SCFD2: variants seen among roughly 807,000 people sequenced by gnomAD.
SCFD2 encodes sec1 family domain containing 2, also known as sec1 family domain-containing protein 2.
SCFD2 carries 54 observed loss-of-function variants against 58.9 expected under a neutral mutation model. That is an observed-to-expected ratio of 0.92 (90% CI 0.74 to 1.15). The LOEUF (loss-of-function observed/expected upper bound fraction) is 1.15. SCFD2 is among the 50% of genes most tolerant of loss of function. The pLI is 0.00. For missense variants in SCFD2, 805 were observed against 836.6 expected, an observed-to-expected ratio of 0.96 and a Z score of 0.47; for synonymous variants, 321 against 335.9, an observed-to-expected ratio of 0.96 and a Z score of 0.49.
In SCFD2 at chr4:53,056,530, CT is replaced by C. The variant is rs370755986; in HGVS notation, c.1561+88802del. Among the ~76,000 whole-genome samples, 655 of 150,746 alleles carry C rather than the reference CT, an allele frequency of 4.3e-3. 3 individuals are homozygous for C. The highest frequency in any genetic ancestry group is 0.014 in the African/African-American group (581 of 41,170). On this transcript the variant is annotated intron_variant, in intron 5 of 8. Transcript: ENST00000401642. ...ACAACAAATTCATTTATATATCTAA[CT>C]TTTTTTTTTCCAAGTATTGTTCAAT...
chr4:53,199,576 G>A (rs1728163320), intron 4 of SCFD2, among the ~76,000 whole-genome samples: 2 of 152,090 alleles, frequency 1.3e-5, no homozygotes, highest in South Asian at 2.1e-4. Flanking sequence ...GATAGCCTCA[G>A]GATGGGGCTG....
intron 3 of SCFD2, among the ~76,000 whole-genome samples, chr4:53,295,667 T>C (rs1476842213): frequency 2.6e-5 from 4 of 152,180 alleles, no homozygotes; most frequent in Admixed American, 2.6e-4. Flanking sequence ...GAACTTCCAA[T>C]ACTACGTTGA....
intron 2 of SCFD2, among the ~76,000 whole-genome samples, chr4:53,319,469 A>G (rs1459332765): frequency 6.6e-6 from 1 of 152,176 alleles, no homozygotes; most frequent in Non-Finnish European, 1.5e-5. Flanking sequence ...ATTATTTCCA[A>G]TCTAGCTCTA....
chr4:53,246,347 T>C (rs561547890), intron 4 of SCFD2, among the ~76,000 whole-genome samples: 1 of 152,286 alleles, frequency 6.6e-6, no homozygotes, highest in East Asian at 1.9e-4. Context: ...AACACTATTT[T>C]AAAATTCATA....
chr4:53,081,346 T>C (rs1345317905), intron 5 of SCFD2, among the ~76,000 whole-genome samples: 1 of 152,120 alleles, frequency 6.6e-6, no homozygotes, highest in African/African-American at 2.4e-5. Context: ...GGAGTACGGA[T>C]CCCATCACCC....
chr4:53,239,521 G>C (rs1182507501), intron 4 of SCFD2, among the ~76,000 whole-genome samples: 6 of 152,162 alleles, frequency 3.9e-5, no homozygotes, highest in Admixed American at 3.9e-4. Flanking sequence ...TTTCGCTCTT[G>C]TTGCCCAAGC....
intron 5 of SCFD2, among the ~76,000 whole-genome samples, chr4:53,136,996 A>G (rs915652818): frequency 2.0e-5 from 3 of 152,228 alleles, no homozygotes; most frequent in African/African-American, 7.2e-5. Context: ...ACTCCAACTC[A>G]CAGTATCTTG....
intron 4 of SCFD2, among the ~76,000 whole-genome samples, chr4:53,162,290 A>C (rs1027983585): frequency 2.6e-5 from 4 of 152,148 alleles, no homozygotes. Flanking sequence ...TGAGAAGATG[A>C]GAGTCTAAAT....
chr4:53,258,577 T>TATATATATATATATATAA, intron 4 of SCFD2, among the ~76,000 whole-genome samples: 1 of 121,406 alleles, frequency 8.2e-6, no homozygotes, highest in Non-Finnish European at 1.7e-5. Context: ...TATATATATA[T>TATATATATATATATATAA]ACACACACAT....
chr4:53,228,854 T>C (rs184782503), intron 4 of SCFD2, among the ~76,000 whole-genome samples: 77 of 152,340 alleles, frequency 5.1e-4, no homozygotes, highest in African/African-American at 1.8e-3. Context: ...GATGACATGA[T>C]TGTATATCTA....
chr4:53,128,230 C>T (rs546997503), intron 5 of SCFD2, among the ~76,000 whole-genome samples: 51 of 152,142 alleles, frequency 3.4e-4, no homozygotes, highest in African/African-American at 1.1e-3. Context: ...CGTGCACATA[C>T]GCCATCAAAA....
chr4:53,061,824 T>C (rs1158614339), intron 5 of SCFD2, among the ~76,000 whole-genome samples: 1 of 152,092 alleles, frequency 6.6e-6, no homozygotes, highest in Non-Finnish European at 1.5e-5. Context: ...GCAAATCTGA[T>C]TGCCTTAATC....
At chr4:53,198,938 G>A (rs1728144021) in intron 4 of SCFD2, among the ~76,000 whole-genome samples, 1 of 152,074 alleles carries the variant, frequency 6.6e-6, no homozygotes, top group Admixed American at 6.6e-5. Context: ...AAGAGCTTGT[G>A]ACAGTTACAA....
chr4:53,346,913 C>G (rs1418616164), intron 2 of SCFD2, among the ~76,000 whole-genome samples: 2 of 152,136 alleles, frequency 1.3e-5, no homozygotes, highest in African/African-American at 4.8e-5. Context: ...AGCCCAATGT[C>G]TATTTATTTT....
At chr4:53,116,918 G>A (rs1339699114) in intron 5 of SCFD2, among the ~76,000 whole-genome samples, 1 of 152,154 alleles carries the variant, frequency 6.6e-6, no homozygotes, top group Non-Finnish European at 1.5e-5. Flanking sequence ...CCATCACCTT[G>A]TCACAGATAT....
intron 2 of SCFD2, among the ~76,000 whole-genome samples, chr4:53,342,618 T>C (rs1359620069): frequency 3.9e-5 from 6 of 152,228 alleles, no homozygotes; most frequent in Admixed American, 6.5e-5. Context: ...CTAATAGACA[T>C]CTACAGAACT....
intron 4 of SCFD2, among the ~76,000 whole-genome samples, chr4:53,177,867 G>A (rs1202107390): frequency 1.3e-5 from 2 of 152,164 alleles, no homozygotes; most frequent in East Asian, 1.9e-4. Flanking sequence ...CCTGCACCTG[G>A]CTCAGAGGGT....
At chr4:53,133,080 G>T (rs527393699) in intron 5 of SCFD2, among the ~76,000 whole-genome samples, 211 of 152,212 alleles carry the variant, frequency 1.4e-3, no homozygotes, top group African/African-American at 5.0e-3. Context: ...TGTAATCCCA[G>T]CACTTTGGGA....
rs536109139 is a variant in SCFD2 at position 53,340,717 on chromosome 4, G to A, written c.1007+11881C>T. On this transcript the variant is annotated intron_variant, in intron 2 of 8. Transcript: ENST00000401642. ...CAACTGTGAGGCAATTCCCAATAGG[G>A]GGCGACGGACACCTCACACAGCTGG... 1.2e-4 allele frequency among the ~76,000 whole-genome samples: 18 copies of A among 152,264 alleles called. 1 individual carries two copies. The highest frequency in any genetic ancestry group is 3.6e-4 in the African/African-American group (15 of 41,562).
Sources: gnomAD v4.1 joint callset for allele counts (sites outside exome capture counted in the v4.1 genomes callset) on GRCh38, gnomAD v4.1.1 for gene constraint, MANE v1.5 for transcripts, NCBI Gene and HGNC (gene_info 2026-07-23, HGNC 2026-07-21) for gene names.